VWDE: variants seen among roughly 807,000 people sequenced by gnomAD.
VWDE encodes von Willebrand factor D and EGF domain-containing protein.
A neutral mutation model predicts 178.4 loss-of-function variants in VWDE; 207 were observed. That is an observed-to-expected ratio of 1.16 (90% CI 1.04 to 1.30). The LOEUF (loss-of-function observed/expected upper bound fraction) is 1.30. Among genes scored for constraint, VWDE ranks in the 50% most tolerant of loss-of-function variants. The probability of loss-of-function intolerance (pLI) is 0.00; values close to 1 mark genes in which losing one functional copy is unlikely to be tolerated. For synonymous variants in VWDE, 738 were observed against 651.4 expected (o/e 1.13, Z -2.02); for missense variants, 2,287 against 1,901.3 (o/e 1.20, Z -3.77).
In VWDE at chr7:12,370,134, T is replaced by G. The variant is rs1424956979; in HGVS notation, c.2172A>C (p.Gln724His). 31 of 1,551,466 alleles carry G rather than the reference T, an allele frequency of 2.0e-5. No homozygotes were observed. The highest frequency in any genetic ancestry group is 2.7e-5 in the Non-Finnish European group (31 of 1,146,910). ...GTGTATATTTCTTATTGGCCAAATA[T>G]TGTAGTGAATCTTCTTTCTCATTTC... ...HPGNEKEDSL[Q>H]YLANKKYTQG... The change falls in exon 12 of 29, where the codon CAA becomes CAC. Residue 724 changes from glutamine (Q) to histidine (H), a missense_variant. Physicochemically the swap from Gln to His is conservative, Grantham distance 24 (BLOSUM62 0). Coordinates refer to ENST00000275358, the MANE Select transcript of VWDE (RefSeq NM_001135924.3).
intron 1 of VWDE, among the ~76,000 whole-genome samples, chr7:12,398,273 C>T (rs147613235): frequency 2.6e-5 from 4 of 152,082 alleles, no homozygotes; most frequent in Non-Finnish European, 5.9e-5. Context: ...GAAATTGACC[C>T]TCCCAGTCTT....
intron 2 of VWDE, 113 bp downstream of exon 2, chr7:12,393,481 C>T: frequency 1.1e-6 from 1 of 951,086 alleles, no homozygotes; most frequent in Non-Finnish European, 1.5e-6. Flanking sequence ...TAACTCAATA[C>T]AAAATTAAAA....
intron 5 of VWDE, among the ~76,000 whole-genome samples, 157 bp downstream of exon 5, chr7:12,380,329 G>A (rs772254500): frequency 3.3e-5 from 5 of 150,406 alleles, no homozygotes; most frequent in Non-Finnish European, 5.9e-5. Context: ...CAGTTATCAC[G>A]AGAATTAGCA....
intron 15 of VWDE, 119 bp downstream of exon 15, chr7:12,361,028 G>A (rs1782545577): frequency 1.4e-5 from 8 of 582,336 alleles, no homozygotes; most frequent in Non-Finnish European, 2.3e-5. Flanking sequence ...CTTGAGGAAG[G>A]CTTTTCTCTA....
chr7:12,392,698 T>C lies in VWDE; in HGVS notation c.243+896A>G, dbSNP rs1784440648. 2.6e-5 allele frequency among the ~76,000 whole-genome samples: 4 copies of C among 151,096 alleles called. No homozygotes were observed. In the South Asian group the frequency reaches 8.3e-4, roughly 31 times the overall value. On this transcript the variant is annotated intron_variant, in intron 2 of 28. Transcript: ENST00000275358. ...TTTGGAAGAAAATGTATTTGTCAAATGAAATAAGAATGAAAGAAGCCACTT... is the reference window on the plus strand; with the variant it reads ...TTTGGAAGAAAATGTATTTGTCAAACGAAATAAGAATGAAAGAAGCCACTT...
chr7:12,349,201 A>G (rs926216613), intron 19 of VWDE, among the ~76,000 whole-genome samples: 1 of 151,714 alleles, frequency 6.6e-6, no homozygotes, highest in Non-Finnish European at 1.5e-5. Flanking sequence ...CATTGTGCAC[A>G]TGTACCCTAA....
chr7:12,379,138 G>A (rs1245695813), intron 6 of VWDE, among the ~76,000 whole-genome samples: 1 of 152,080 alleles, frequency 6.6e-6, no homozygotes, highest in Non-Finnish European at 1.5e-5. Context: ...CTACTACTTG[G>A]CCTGGTATCT....
In VWDE at chr7:12,342,166, G is replaced by C; in HGVS notation, c.4175-12C>G. The C allele has an allele frequency of 6.5e-7, 1 of 1,548,326 alleles. No individual in the cohort carries two copies. Among genetic ancestry groups the C allele is most frequent in the Non-Finnish European group, 8.7e-7 (1 of 1,144,378 alleles). On this transcript the variant is annotated splice_polypyrimidine_tract_variant and intron_variant, in intron 22 of 28. Coordinates refer to ENST00000275358, the MANE Select transcript of VWDE (RefSeq NM_001135924.3). ...CCTGTTACAAACCACTGAGATCATA[G>C]AATAAAGAGAAAAGAAAGATTAGGC...
At chr7:12,349,235 TAATAAATAAATA>T (rs372504783) in intron 19 of VWDE, among the ~76,000 whole-genome samples, 1 of 130,016 alleles carries the variant, frequency 7.7e-6, no homozygotes, top group Non-Finnish European at 1.7e-5. Context: ...ATAATCATAA[TAATAAATAAATA>T]AATAAATAAA....
chr7:12,371,491 G>A (rs565125232), intron 10 of VWDE, among the ~76,000 whole-genome samples: 1 of 152,234 alleles, frequency 6.6e-6, no homozygotes, highest in South Asian at 2.1e-4. Context: ...TACTGTGTAT[G>A]TGGAGAAGCT....
rs554522472 is a variant in VWDE, at chr7:12,385,819, G to A, written c.476-2218C>T. 7.2e-5 allele frequency among the ~76,000 whole-genome samples: 11 copies of A among 152,160 alleles called. 1 individual carries two copies. The highest frequency in any genetic ancestry group is 4.6e-4 in the Admixed American group (7 of 15,276). ...CATTAAGAGTAAAAAAATAACAATT[G>A]TCTCCCAGAATTCCTTCTCCCTAAT... On this transcript the variant is annotated intron_variant, in intron 3 of 28. Transcript: ENST00000275358.
At position 12,340,390 on chromosome 7, in the gene VWDE, C is replaced by T; in HGVS notation, c.4298G>A (p.Gly1433Asp). 1 of 1,551,362 alleles carries T rather than the reference C, an allele frequency of 6.4e-7. No individual in the cohort carries two copies. The highest frequency in any genetic ancestry group is 2.0e-5 in the Admixed American group (1 of 50,976). ...TALCDPVCLN[G>D]GSCNKPNTCL... Reference sequence around the variant, plus strand: ...AGTATTTGGCTTATTACACGAACCACCATTGAGGCAGACAGGGTCGCACAA... The same window carrying T: ...AGTATTTGGCTTATTACACGAACCATCATTGAGGCAGACAGGGTCGCACAA... The change falls in exon 24 of 29, where the codon GGT (glycine) becomes GAT (aspartate). Residue 1433 changes from glycine to aspartate, a missense_variant. Physicochemically the swap from Gly to Asp is moderately conservative, Grantham distance 94 (BLOSUM62 -1). Transcript: ENST00000275358.
intron 24 of VWDE, among the ~76,000 whole-genome samples, chr7:12,340,006 A>T (rs907794834): frequency 8.5e-5 from 13 of 152,174 alleles, no homozygotes; most frequent in African/African-American, 2.7e-4. Context: ...TGTGTAGGCA[A>T]CAAAAATGAC....
At chr7:12,382,538 A>G (rs1309489267) in intron 4 of VWDE, among the ~76,000 whole-genome samples, 1 of 151,884 alleles carries the variant, frequency 6.6e-6, no homozygotes, top group African/African-American at 2.4e-5. Context: ...GATTATTATA[A>G]AACTCTTTTT....
chr7:12,343,160 C>A lies in VWDE; in HGVS notation c.4097G>T (p.Cys1366Phe). 6.5e-7 allele frequency: 1 copy of A among 1,549,194 alleles called. No homozygotes were observed. The highest frequency in any genetic ancestry group is 8.7e-7 in the Non-Finnish European group (1 of 1,145,336). ...AGCCAAGCATGTGCCACCATGTTGA[C>A]AAGGTGGGTTACAATGTTCTGCAGA... ...TCDEEHCNPP[C>F]QHGGTCLAGN... Residue 1366 changes from cysteine to phenylalanine, a missense_variant, in exon 22 of 29, where the codon TGT becomes TTT. Cys to Phe is a radical substitution (Grantham distance 205). Coordinates refer to ENST00000275358, the MANE Select transcript of VWDE (RefSeq NM_001135924.3).
chr7:12,344,096 T>A lies in VWDE; in HGVS notation c.4078+99A>T. 3 of 856,314 alleles carry A rather than the reference T, an allele frequency of 3.5e-6. No homozygotes were observed. In the Admixed American group the frequency reaches 7.8e-5, roughly 22 times the overall value. The allele number at this position is 856,314 out of a possible 1,614,324, so 53.0% of individuals were successfully genotyped here. On this transcript the variant is annotated intron_variant, in intron 21 of 28. Coordinates refer to ENST00000275358, the MANE Select transcript of VWDE (RefSeq NM_001135924.3). ...ACCAGCTTTGATAAGAATATTTTAA[T>A]ATATACACAGTAAAACTGAATTGTC...
rs189204633 is a variant in VWDE, at chr7:12,335,147, T to A, written c.4654+994A>T. Among the ~76,000 whole-genome samples, 113 of 152,328 alleles carry A rather than the reference T, an allele frequency of 7.4e-4. No individual in the cohort carries two copies. The East Asian group carries it at 0.02, about 27-fold the overall frequency. On this transcript the variant is annotated intron_variant, in intron 27 of 28. Transcript: ENST00000275358. ...TAAAAAGGCATGATCATAATAAATC[T>A]GTGTAATTTCAGTTTACAATACACT...
intron 1 of VWDE, among the ~76,000 whole-genome samples, chr7:12,396,199 T>C (rs1784614972): frequency 6.6e-6 from 1 of 152,176 alleles, no homozygotes; most frequent in African/African-American, 2.4e-5. Flanking sequence ...TAACCTGTAA[T>C]AGATTATTTT....
At chr7:12,375,893 G>A (rs949884235) in intron 7 of VWDE, among the ~76,000 whole-genome samples, 33 of 152,028 alleles carry the variant, frequency 2.2e-4, no homozygotes, top group African/African-American at 7.7e-4. Flanking sequence ...AGAACTCCAG[G>A]AATTTGTATA....
Sources: gnomAD v4.1 joint callset for allele counts (sites outside exome capture counted in the v4.1 genomes callset) on GRCh38, gnomAD v4.1.1 for gene constraint, MANE v1.5 for transcripts, NCBI Gene and HGNC (gene_info 2026-07-23, HGNC 2026-07-21) for gene names.